The following MAP3K8 variants were observed in gnomAD, a reference collection of about 807,000 sequenced individuals.
MAP3K8 encodes the protein Ewing sarcoma transformant.
In MAP3K8, 22 loss-of-function variants were observed where a neutral mutation model predicts 45.8. That is an observed-to-expected ratio of 0.48 (90% CI 0.34 to 0.69). The LOEUF is 0.69. Among genes scored for constraint, MAP3K8 ranks in the 30% least tolerant of loss-of-function variants. The pLI, the probability that MAP3K8 is intolerant of heterozygous loss-of-function variation, is 0.01. For synonymous variants in MAP3K8, 223 were observed against 214.3 expected, an observed-to-expected ratio of 1.04 and a Z score of -0.36; for missense variants, 419 against 585.0, an observed-to-expected ratio of 0.72 and a Z score of 2.93.
rs766027361 is a variant in MAP3K8, at chr10:30,458,266, G to GGA, written c.1026+31_1026+32insAG. 5 of 1,228,086 alleles carry GGA rather than the reference G, an allele frequency of 4.1e-6. No homozygotes were observed. The South Asian group carries it at 7.0e-5, about 17-fold the overall frequency. 76.1% of individuals were successfully genotyped at this position (1,228,086 alleles called of 1,614,324 possible). A position where few individuals can be genotyped will look rare whatever the true frequency, so the allele number is the denominator to read the frequency against. On this transcript the variant is annotated intron_variant, in intron 7 of 8. Coordinates refer to ENST00000263056, the MANE Select transcript of MAP3K8 (RefSeq NM_005204.4). The stretch of plus-strand genomic sequence containing the variant: ...GTGGGGTTCAACCAGGGCTGGGGGC[G>GGA]GCGGGGGGGGGCGTTGAGTTATGCA...
intron 3 of MAP3K8, among the ~76,000 whole-genome samples, chr10:30,443,903 G>C (rs1836210817): frequency 6.6e-6 from 1 of 152,136 alleles, no homozygotes; most frequent in South Asian, 2.1e-4. Flanking sequence ...AAGATGGTTT[G>C]ATAGCGCTGG....
rs2132782741 is a variant in MAP3K8, at chr10:30,439,229, T to C, written c.291T>C (p.His97=). 1 of 1,614,224 alleles carries C rather than the reference T, an allele frequency of 6.2e-7. No homozygotes were observed. Among genetic ancestry groups the C allele is most frequent in the Admixed American group, 1.7e-5 (1 of 60,024 alleles). ...ACCATATATCCAACACTGCAAAGCA[T>C]TTTTATGGACAACGACCACAGGAAT... is the stretch of plus-strand genomic sequence containing the variant. The part of the protein sequence containing the change: ...FANHISNTAK[H]FYGQRPQESG... Residue 97 remains histidine, a synonymous_variant, in exon 3 of 9, where the codon CAT becomes CAC. Coordinates refer to ENST00000263056, the MANE Select transcript of MAP3K8 (RefSeq NM_005204.4).
chr10:30,450,724 A>C lies in MAP3K8; in HGVS notation c.766+205A>C, dbSNP rs1836507905. On this transcript the variant is annotated intron_variant, in intron 5 of 8. Transcript: ENST00000263056. ...AAAGTCATAAGGAAAGATTACTTTC[A>C]ACAGTTGTTGAAAGGTTATAGCTAC... The C allele has an allele frequency of 4.7e-5, 27 of 574,308 alleles. No individual in the cohort carries two copies. The East Asian group carries it at 7.9e-4, about 17-fold the overall frequency. 35.6% of individuals were successfully genotyped at this position (574,308 alleles called of 1,614,324 possible).
intron 1 of MAP3K8, among the ~76,000 whole-genome samples, chr10:30,436,142 A>G (rs1248333582): frequency 6.6e-6 from 1 of 152,234 alleles, no homozygotes; most frequent in African/African-American, 2.4e-5. Flanking sequence ...GAATTTTATG[A>G]GGACTTTTAT....
chr10:30,440,303 A>G (rs1836056559), intron 3 of MAP3K8, among the ~76,000 whole-genome samples: 1 of 152,350 alleles, frequency 6.6e-6, no homozygotes, highest in Non-Finnish European at 1.5e-5. Flanking sequence ...AAACATGCTT[A>G]TTGATGAAAG....
intron 1 of MAP3K8, chr10:30,434,612 TTCC>T: frequency 1.0e-6 from 1 of 985,854 alleles, no homozygotes; most frequent in Non-Finnish European, 1.2e-6. Flanking sequence ...CTCCTCCCCC[TTCC>T]TCCTCCTTCC....
intron 3 of MAP3K8, among the ~76,000 whole-genome samples, chr10:30,440,355 A>C (rs73247413): frequency 6.6e-6 from 1 of 152,182 alleles, no homozygotes; most frequent in African/African-American, 2.4e-5. Context: ...CAAAATGGCT[A>C]ATGTTGGGGG....
Position 30,439,074 on chromosome 10 carries a change from C to G in MAP3K8, c.136C>G (p.Leu46Val). The change falls in exon 3 of 9, where the codon CTA becomes GTA. Residue 46 changes from leucine (L) to valine (V), a missense_variant. Leu to Val is a conservative substitution (Grantham distance 32). Transcript: ENST00000263056. Reference protein sequence around the residue: ...SEEPAVYEPSLMTMCQDSNQN... With the variant: ...SEEPAVYEPSVMTMCQDSNQN... ...AGAGCCAGCAGTTTATGAACCCAGT[C>G]TAATGACCATGTGTCAAGACAGTAA... is the stretch of plus-strand genomic sequence containing the variant. 1 of 1,614,204 alleles carries G rather than the reference C, an allele frequency of 6.2e-7. No homozygotes were observed.
intron 8 of MAP3K8, among the ~76,000 whole-genome samples, chr10:30,460,454 A>C (rs1836896802): frequency 1.3e-5 from 2 of 152,194 alleles, no homozygotes; most frequent in Admixed American, 6.5e-5. Context: ...TTGTGTATTT[A>C]AAGAGAGCAA....
Position 30,450,349 on chromosome 10 carries a change from G to C in MAP3K8, c.596G>C (p.Trp199Ser). 6.2e-7 allele frequency: 1 copy of C among 1,614,140 alleles called. No homozygotes were observed. The highest frequency in any genetic ancestry group is 8.5e-7 in the Non-Finnish European group (1 of 1,180,030). Residue 199 changes from tryptophan (W) to serine (S), a missense_variant, in exon 5 of 9, where the codon TGG becomes TCG. This residue lies in a region of MAP3K8 where 209 missense variants were observed against 367.3 expected (regional missense o/e 0.57). Coordinates refer to ENST00000263056, the MANE Select transcript of MAP3K8 (RefSeq NM_005204.4). ...GCAGAGCTGTATGGCGCAGTCCTGT[G>C]GGGTGAAACTGTCCATCTCTTTATG... is the stretch of plus-strand genomic sequence containing the variant. The part of the protein sequence containing the change: ...NIAELYGAVL[W>S]GETVHLFMEA...
In MAP3K8 at chr10:30,460,943, A is replaced by G. The variant is rs1161610472; in HGVS notation, c.*107A>G. The G allele has an allele frequency of 1.4e-6, 2 of 1,430,468 alleles. No homozygotes were observed. Among genetic ancestry groups the G allele is most frequent in the Non-Finnish European group, 1.9e-6 (2 of 1,067,832 alleles). The allele number at this position is 1,430,468 out of a possible 1,614,324, so 88.6% of individuals were successfully genotyped here. Reference sequence around the variant, plus strand: ...CAGTGAATGGTGCCATTTTCGAAGGAGCAGTGTGACCTCCTGTGACCCGTG... The same window carrying G: ...CAGTGAATGGTGCCATTTTCGAAGGGGCAGTGTGACCTCCTGTGACCCGTG... On this transcript the variant is annotated 3_prime_UTR_variant, in exon 9 of 9. Transcript: ENST00000263056.
chr10:30,443,872 A>AC (rs1479273244), intron 3 of MAP3K8, among the ~76,000 whole-genome samples: 6 of 152,196 alleles, frequency 3.9e-5, no homozygotes, highest in African/African-American at 9.6e-5. Context: ...ACTGGCAGAG[A>AC]TAAGCAGCAT....
chr10:30,435,292 C>T (rs1163531151), intron 1 of MAP3K8, among the ~76,000 whole-genome samples: 2 of 152,212 alleles, frequency 1.3e-5, no homozygotes, highest in African/African-American at 4.8e-5. Context: ...GTGTAATCCA[C>T]TTCCAGCTGA....
intron 3 of MAP3K8, among the ~76,000 whole-genome samples, chr10:30,441,589 A>G (rs1255901519): frequency 6.6e-6 from 1 of 152,224 alleles, no homozygotes. Flanking sequence ...GAAGAGAATA[A>G]GAGGAGGACC....
At chr10:30,458,352 T>C (rs904522047) in intron 7 of MAP3K8, 116 bp downstream of exon 7, 2 of 603,008 alleles carry the variant, frequency 3.3e-6, no homozygotes, top group African/African-American at 3.8e-5. Context: ...AATGAGGCAA[T>C]GGTGAAATGA....
chr10:30,460,406 G>A (rs139686718), intron 8 of MAP3K8, among the ~76,000 whole-genome samples: 2 of 152,238 alleles, frequency 1.3e-5, no homozygotes, highest in Admixed American at 6.5e-5. Context: ...GTCAAGCCTG[G>A]TGCGCTTGTT....
intron 6 of MAP3K8, among the ~76,000 whole-genome samples, chr10:30,453,651 A>G (rs571641333): frequency 7.2e-5 from 11 of 152,166 alleles, no homozygotes; most frequent in Admixed American, 1.3e-4. Context: ...CAAGGCAGTG[A>G]GGAGCAAGCC....
intron 6 of MAP3K8, among the ~76,000 whole-genome samples, chr10:30,455,088 C>T (rs1395975713): frequency 6.6e-6 from 1 of 152,122 alleles, no homozygotes; most frequent in Non-Finnish European, 1.5e-5. Flanking sequence ...TATTTTACTC[C>T]TGAGTAGTAT....
chr10:30,441,527 T>C (rs1836108703), intron 3 of MAP3K8, among the ~76,000 whole-genome samples: 1 of 152,210 alleles, frequency 6.6e-6, no homozygotes, highest in African/African-American at 2.4e-5. Flanking sequence ...AAAAGATTTT[T>C]ATTTTAAAAT....
Sources: allele counts gnomAD v4.1 joint callset (sites outside exome capture counted in the v4.1 genomes callset), GRCh38; gene constraint gnomAD v4.1.1; regional missense constraint gnomAD v4.1.1; transcripts MANE v1.5; gene names NCBI Gene and HGNC (gene_info 2026-07-23, HGNC 2026-07-21).